Variants in ZP2 observed in about 807,000 individuals in gnomAD.
ZP2 encodes zona pellucida sperm-binding protein 2.
Under a neutral mutation model 84.0 loss-of-function variants are expected in ZP2, and 51 were observed. The ratio of observed to expected loss-of-function variants is 0.61; its 90% CI spans 0.49 to 0.77. The LOEUF (loss-of-function observed/expected upper bound fraction) is 0.77. Among genes scored for constraint, ZP2 ranks in the 30% least tolerant of loss-of-function variants. The pLI is 0.00. For missense variants in ZP2, 909 were observed against 911.9 expected (o/e 1.00, Z 0.04); for synonymous variants, 375 against 330.9 (o/e 1.13, Z -1.45).
Position 21,209,739 on chromosome 16 carries a change from A to G in ZP2, c.236-14T>C. On this transcript the variant is annotated splice_polypyrimidine_tract_variant and intron_variant, in intron 3 of 18. Transcript: ENST00000574091. ...GACCAAGAGGATCTGCCAAGGCCAG[A>G]GCAGGTTAGACAGGATGGCTGAGTA... is the stretch of plus-strand genomic sequence containing the variant. 1 of 1,613,516 alleles carries G rather than the reference A, an allele frequency of 6.2e-7. No homozygotes were observed. Among genetic ancestry groups the G allele is most frequent in the Non-Finnish European group, 8.5e-7 (1 of 1,179,412 alleles).
chr16:21,209,229 C>A (rs754640009), intron 4 of ZP2, among the ~76,000 whole-genome samples: 1 of 152,156 alleles, frequency 6.6e-6, no homozygotes, highest in Non-Finnish European at 1.5e-5. Context: ...GGCAATGGAG[C>A]AATCTCAGCT....
At chr16:21,206,556 G>T (rs1567215465) in intron 5 of ZP2, among the ~76,000 whole-genome samples, 1 of 152,080 alleles carries the variant, frequency 6.6e-6, no homozygotes, top group Non-Finnish European at 1.5e-5. Flanking sequence ...TGATTAGTGT[G>T]AGTGCAACTA....
At chr16:21,207,072 G>A (rs1201220608) in intron 4 of ZP2, 82 bp from the exon 5 acceptor site, 2 of 1,542,394 alleles carry the variant, frequency 1.3e-6, no homozygotes, top group Admixed American at 3.4e-5. Flanking sequence ...CCATCTGAGT[G>A]GGAAAACCCT....
intron 16 of ZP2, 86 bp from the exon 17 acceptor site, chr16:21,198,948 C>G (rs1287109218): frequency 1.7e-6 from 2 of 1,196,742 alleles, no homozygotes; most frequent in East Asian, 2.5e-5. Context: ...AGTAGAAGCT[C>G]TCTGGAGTAT....
In ZP2 at chr16:21,202,008, CTT is replaced by C; in HGVS notation, c.1301_1302del (p.Lys434SerfsTer4). On this transcript the variant is annotated frameshift_variant, in exon 12 of 19. Transcript: ENST00000574091. LOFTEE classifies it high-confidence loss of function. ...GCATGTATTTCGTTTTCATAGACGA[CTT>C]TATCATCTTCGAACTTAAATGTCAG... Reference protein sequence around the residue: ...CGTRYKFEDDKVVYENEIHAL... With the variant: ...CGTRYKFEDDXVVYENEIHAL... 1.9e-6 allele frequency: 3 copies of C among 1,614,062 alleles called. No individual in the cohort carries two copies. Among genetic ancestry groups the C allele is most frequent in the Non-Finnish European group, 2.5e-6 (3 of 1,179,984 alleles).
chr16:21,204,141 C>T lies in ZP2; in HGVS notation c.861G>A (p.Val287=). The T allele has an allele frequency of 6.2e-7, 1 of 1,614,162 alleles. No individual in the cohort carries two copies. Among genetic ancestry groups the T allele is most frequent in the Non-Finnish European group, 8.5e-7 (1 of 1,180,024 alleles). The change falls in exon 9 of 19, where the codon GTG becomes GTA. Residue 287 remains valine, a synonymous_variant. Coordinates refer to ENST00000574091, the MANE Select transcript of ZP2 (RefSeq NM_001376232.1). ...CATCAATGTTCTGGTTTTCAAAGCT[C>T]ACAGACTTAAGCTTCCCAGGAAACT... ...IPEFPGKLKS[V]SFENQNIDVS... is the part of the protein sequence containing the mutation.
intron 10 of ZP2, among the ~76,000 whole-genome samples, chr16:21,202,719 G>A (rs2093231666): frequency 6.6e-6 from 1 of 152,022 alleles, no homozygotes; most frequent in Non-Finnish European, 1.5e-5. Context: ...GATCTGACCT[G>A]TGCAGATCAC....
At chr16:21,211,634 C>A (rs764199385), upstream of ZP2, 3 of 1,607,702 alleles carry the variant, frequency 1.9e-6, no homozygotes, top group Admixed American at 1.7e-5. Flanking sequence ...CACACCCTCT[C>A]CCCATTGGGG....
Position 21,202,247 on chromosome 16 carries a change from C to T in ZP2, c.1144G>A (p.Val382Ile), listed in dbSNP as rs778652791. Reference protein sequence around the residue: ...CTQDGFMDVEVYSYQTQPALD... With the variant: ...CTQDGFMDVEIYSYQTQPALD... ...GCTGGTTGTGTTTGGTAGCTGTAGA[C>T]CTCGACGTCCATAAACCCATCCTGG... is the stretch of plus-strand genomic sequence containing the variant. The change falls in exon 11 of 19, where the codon GTC (valine) becomes ATC (isoleucine). Residue 382 changes from valine to isoleucine, a missense_variant. By Grantham distance (29) the Val-to-Ile change is conservative. Transcript: ENST00000574091. 1.3e-6 allele frequency: 2 copies of T among 1,557,688 alleles called. No homozygotes were observed. Among genetic ancestry groups the T allele is most frequent in the Non-Finnish European group, 1.7e-6 (2 of 1,158,046 alleles).
rs150848566 is a variant in ZP2, at chr16:21,210,854, C to T, written c.151+453G>A. Among the ~76,000 whole-genome samples the T allele has an allele frequency of 1.5e-4, 23 of 150,160 alleles. No individual in the cohort carries two copies. In the East Asian group the frequency reaches 4.1e-3, roughly 27 times the overall value. ...CTTCCCAAAGTTCTGGGATTACAGG[C>T]GTGAGCCCCGGCGCCTGGCTGCATT... On this transcript the variant is annotated intron_variant, in intron 2 of 18. Transcript: ENST00000574091.
At chr16:21,202,353 C>T in intron 10 of ZP2, 62 bp from the exon 11 acceptor site, 9 of 1,389,752 alleles carry the variant, frequency 6.5e-6, no homozygotes, top group Non-Finnish European at 7.7e-6. Flanking sequence ...TGTCATCTCC[C>T]AACCTGATAT....
At chr16:21,202,735 A>G (rs2093231747) in intron 10 of ZP2, among the ~76,000 whole-genome samples, 1 of 151,712 alleles carries the variant, frequency 6.6e-6, no homozygotes, top group Non-Finnish European at 1.5e-5. Context: ...ATCACATTAA[A>G]CAGAAGCACA....
rs10530241 is a variant in ZP2 at position 21,207,635 on chromosome 16, AACACACACACACACACACAC to A, written c.331-665_331-646del. On this transcript the variant is annotated intron_variant, in intron 4 of 18. Coordinates refer to ENST00000574091, the MANE Select transcript of ZP2 (RefSeq NM_001376232.1). Reference sequence around the variant, plus strand: ...AGACTCCATCTCTATATATATATTAAACACACACACACACACACACACACACACACACACACACACACACA... The same window carrying A: ...AGACTCCATCTCTATATATATATTAAACACACACACACACACACACACACA... 1.8e-3 allele frequency among the ~76,000 whole-genome samples: 262 copies of A among 143,862 alleles called. 2 individuals are homozygous for A. Among genetic ancestry groups the A allele is most frequent in the African/African-American group, 5.2e-3 (200 of 38,608 alleles). 94.4% of individuals were successfully genotyped at this position (143,862 alleles called of 152,430 possible). A position where few individuals can be genotyped will look rare whatever the true frequency, so the allele number is the denominator to read the frequency against.
rs1355054328 is a variant in ZP2 at position 21,203,180 on chromosome 16, C to G, written c.1044G>C (p.Glu348Asp). 2 of 1,613,942 alleles carry G rather than the reference C, an allele frequency of 1.2e-6. No individual in the cohort carries two copies. Among genetic ancestry groups the G allele is most frequent in the Non-Finnish European group, 8.5e-7 (1 of 1,179,926 alleles). The stretch of plus-strand genomic sequence containing the variant: ...CAGGATAGATCACCATGGATACTGT[C>G]TCTGGCCGAAGGAGAAAGGTCAGCT... ...SLKLTFLLRP[E>D]TVSMVIYPEC... is the part of the protein sequence containing the mutation. The change falls in exon 10 of 19, where the codon GAG becomes GAC. Residue 348 changes from glutamate to aspartate, a missense_variant. Transcript: ENST00000574091.
chr16:21,210,894 T>TA lies in ZP2; in HGVS notation c.151+412dup, dbSNP rs555114660. Reference sequence around the variant, plus strand: ...CTGGCTGCATTTTTTTTTTTTTTTTTAAAGATCAAGTTTTGCCCATCATCT... The same window carrying TA: ...CTGGCTGCATTTTTTTTTTTTTTTTTAAAAGATCAAGTTTTGCCCATCATCT... On this transcript the variant is annotated intron_variant, in intron 2 of 18. Transcript: ENST00000574091. Among the ~76,000 whole-genome samples, 51 of 151,422 alleles carry TA rather than the reference T, an allele frequency of 3.4e-4. No homozygotes were observed. The South Asian group carries it at 9.0e-3, about 27-fold the overall frequency.
At position 21,203,188 on chromosome 16, in the gene ZP2, G is replaced by T; in HGVS notation, c.1036C>A (p.Arg346=). ...LASLKLTFLL[R]PETVSMVIYP... ...ATCACCATGGATACTGTCTCTGGCC[G>T]AAGGAGAAAGGTCAGCTTGAGTGAA... Residue 346 remains arginine, a synonymous_variant, in exon 10 of 19, where the codon CGG becomes AGG. Coordinates refer to ENST00000574091, the MANE Select transcript of ZP2 (RefSeq NM_001376232.1). 1 of 1,613,940 alleles carries T rather than the reference G, an allele frequency of 6.2e-7. No homozygotes were observed. The highest frequency in any genetic ancestry group is 8.5e-7 in the Non-Finnish European group (1 of 1,179,900).
rs2093244912 is a variant in ZP2 at position 21,205,424 on chromosome 16, TAGTG to T, written c.685_688del (p.His229MetfsTer13). ...AAGCCAGACTTCCACACCTACCACA[TAGTG>T]AGTCACTCCAGTGGCATTGAATGGC... On this transcript the variant is annotated frameshift_variant, in exon 7 of 19. Transcript: ENST00000574091. LOFTEE classifies it high-confidence loss of function. 1 of 1,613,876 alleles carries T rather than the reference TAGTG, an allele frequency of 6.2e-7. No individual in the cohort carries two copies. The highest frequency in any genetic ancestry group is 8.5e-7 in the Non-Finnish European group (1 of 1,179,978).
chr16:21,208,190 C>T (rs1329689436), intron 4 of ZP2, among the ~76,000 whole-genome samples: 1 of 152,206 alleles, frequency 6.6e-6, no homozygotes. Context: ...TACTTTCCAG[C>T]CTGGGCTACA....
chr16:21,209,479 A>G, intron 4 of ZP2, 152 bp downstream of exon 4: 2 of 638,260 alleles, frequency 3.1e-6, no homozygotes, highest in Non-Finnish European at 5.4e-6. Flanking sequence ...TAGACAGATT[A>G]TAATAGAAAA....
Sources: allele counts gnomAD v4.1 joint callset (sites outside exome capture counted in the v4.1 genomes callset), GRCh38; gene constraint gnomAD v4.1.1; transcripts MANE v1.5; gene names NCBI Gene and HGNC (gene_info 2026-07-23, HGNC 2026-07-21).